The following RGS22 variants were observed in gnomAD, a reference collection of about 807,000 sequenced individuals.
RGS22 encodes regulator of G-protein signaling 22.
RGS22 carries 148 observed loss-of-function variants against 172.9 expected under a neutral mutation model. That is an observed-to-expected ratio of 0.86 (90% confidence interval 0.75 to 0.98). The LOEUF (loss-of-function observed/expected upper bound fraction) is 0.98, where lower values mean the gene tolerates loss of function less well. Ranked by LOEUF, RGS22 falls within the 50% of genes least tolerant of loss-of-function variation. The probability of loss-of-function intolerance (pLI) is 0.00; values close to 1 mark genes in which losing one functional copy is unlikely to be tolerated. For missense variants in RGS22, 1,347 were observed against 1,440.8 expected (o/e 0.93, Z 1.05); for synonymous variants, 458 against 480.2 (o/e 0.95, Z 0.60).
At chr8:100,092,269 C>A (rs1195179856) in intron 3 of RGS22, among the ~76,000 whole-genome samples, 1 of 152,092 alleles carries the variant, frequency 6.6e-6, no homozygotes, top group Non-Finnish European at 1.5e-5. Context: ...TCTTATACAT[C>A]TTTTAACCAG....
At chr8:100,076,545 T>G (rs1437611826) in intron 4 of RGS22, among the ~76,000 whole-genome samples, 2 of 152,218 alleles carry the variant, frequency 1.3e-5, no homozygotes, top group African/African-American at 4.8e-5. Context: ...ACTTCACTTT[T>G]AAGTGTTTGA....
At chr8:99,980,435 T>C (rs1317064547) in intron 22 of RGS22, among the ~76,000 whole-genome samples, 1 of 152,092 alleles carries the variant, frequency 6.6e-6, no homozygotes, top group Admixed American at 6.6e-5. Context: ...AGGAGACAAC[T>C]AGGTAAGTTT....
intron 2 of RGS22, among the ~76,000 whole-genome samples, chr8:100,095,409 C>T (rs913409149): frequency 3.9e-5 from 6 of 152,122 alleles, no homozygotes; most frequent in Non-Finnish European, 8.8e-5. Flanking sequence ...GTCTCGAACT[C>T]CTAGCCTCAA....
Position 100,105,390 on chromosome 8 carries a change from A to G in RGS22, c.38T>C (p.Ile13Thr), listed in dbSNP as rs376672627. 1 of 1,610,010 alleles carries G rather than the reference A, an allele frequency of 6.2e-7. No homozygotes were observed. The highest frequency in any genetic ancestry group is 8.5e-7 in the Non-Finnish European group (1 of 1,176,666). The change falls in exon 2 of 28, where the codon ATT becomes ACT. Residue 13 changes from isoleucine (I) to threonine (T), a missense_variant. Ile to Thr is a moderately conservative substitution (Grantham distance 89). Transcript: ENST00000360863. ...EKRLTAEPPT[I>T]TEEEFEDSLA... ...GATACTTACAAATTCTTCTTCTGTA[A>G]TAGTTGGTGGCTCTGAAACAAGACA...
At chr8:100,095,366 TAG>T (rs1333253123) in intron 2 of RGS22, among the ~76,000 whole-genome samples, 1 of 152,112 alleles carries the variant, frequency 6.6e-6, no homozygotes, top group African/African-American at 2.4e-5. Flanking sequence ...GTATTTTTTG[TAG>T]AGACAATGTT....
chr8:100,105,475 C>G, intron 1 of RGS22, 73 bp from the exon 2 acceptor site: 1 of 1,250,794 alleles, frequency 8.0e-7, no homozygotes, highest in Non-Finnish European at 1.2e-6. Flanking sequence ...TCATGGGAGA[C>G]AGCACCTAGC....
At chr8:99,984,520 A>G (rs1157553934) in intron 21 of RGS22, among the ~76,000 whole-genome samples, 1 of 151,978 alleles carries the variant, frequency 6.6e-6, no homozygotes, top group African/African-American at 2.4e-5. Flanking sequence ...GTTTAAGCAT[A>G]CTTTCCTCTA....
intron 10 of RGS22, among the ~76,000 whole-genome samples, chr8:100,052,355 G>A (rs1210973566): frequency 2.0e-5 from 3 of 147,952 alleles, no homozygotes; most frequent in Non-Finnish European, 4.5e-5. Flanking sequence ...AGGCTGGAGT[G>A]CAGTGGCGCT....
At position 99,981,960 on chromosome 8, in the gene RGS22, G is replaced by A. The variant is rs201002796; in HGVS notation, c.3337C>T (p.Pro1113Ser). ...KIIEHRKELG[P>S]YVFREAQMTI... ...ACCTGTGCCTCTCTAAATACATATGGTCCTAACTCCTTCCGGTGTTCAATA... is the reference window on the plus strand; with the variant it reads ...ACCTGTGCCTCTCTAAATACATATGATCCTAACTCCTTCCGGTGTTCAATA... The change falls in exon 22 of 28, where the codon CCA becomes TCA. Residue 1113 changes from proline to serine, a missense_variant. Physicochemically the swap from Pro to Ser is moderately conservative, Grantham distance 74. Transcript: ENST00000360863. The A allele has an allele frequency of 1.5e-5, 24 of 1,613,394 alleles. No homozygotes were observed. The highest frequency in any genetic ancestry group is 1.7e-5 in the Admixed American group (1 of 59,948).
intron 9 of RGS22, among the ~76,000 whole-genome samples, chr8:100,058,090 CAG>C (rs1809790970): frequency 6.6e-6 from 1 of 150,642 alleles, no homozygotes; most frequent in African/African-American, 2.5e-5. Flanking sequence ...AAGAATGTAT[CAG>C]AGTCTTAACA....
At chr8:100,060,857 C>T (rs912190693) in intron 9 of RGS22, among the ~76,000 whole-genome samples, 1 of 152,212 alleles carries the variant, frequency 6.6e-6, no homozygotes, top group Non-Finnish European at 1.5e-5. Context: ...CCTAAACAGC[C>T]AAGGCAATCC....
At chr8:100,064,392 G>C (rs1037023929) in intron 7 of RGS22, among the ~76,000 whole-genome samples, 1 of 152,096 alleles carries the variant, frequency 6.6e-6, no homozygotes, top group Admixed American at 6.6e-5. Flanking sequence ...GAACCCAGGA[G>C]ATAGAGGTTG....
intron 4 of RGS22, among the ~76,000 whole-genome samples, chr8:100,076,708 G>C (rs1464157103): frequency 6.6e-6 from 1 of 152,048 alleles, no homozygotes; most frequent in Non-Finnish European, 1.5e-5. Flanking sequence ...TAAGAAATAT[G>C]TGGGCCGGGC....
intron 1 of RGS22, 98 bp from the exon 2 acceptor site, chr8:100,105,500 A>C: frequency 1.0e-6 from 1 of 969,380 alleles, no homozygotes; most frequent in Non-Finnish European, 1.6e-6. Context: ...CGTTATACAC[A>C]GGCAAACGTA....
chr8:100,103,465 A>G (rs1813663474), intron 2 of RGS22, among the ~76,000 whole-genome samples: 1 of 152,218 alleles, frequency 6.6e-6, no homozygotes, highest in African/African-American at 2.4e-5. Context: ...ACCACAAACC[A>G]AAATAAGAAG....
intron 21 of RGS22, 84 bp from the exon 22 acceptor site, chr8:99,982,200 T>A: frequency 9.5e-7 from 1 of 1,053,690 alleles, no homozygotes; most frequent in Non-Finnish European, 1.3e-6. Context: ...GTGTTTCAAT[T>A]AATATATGCA....
chr8:99,976,817 A>G (rs940115714), intron 23 of RGS22, among the ~76,000 whole-genome samples: 1 of 152,212 alleles, frequency 6.6e-6, no homozygotes. Context: ...ATAAGGCAAA[A>G]TGTTAAAAGT....
rs555295199 is a variant in RGS22 at position 100,059,846 on chromosome 8, T to C, written c.1514+2745A>G. Among the ~76,000 whole-genome samples, 13 of 152,292 alleles carry C rather than the reference T, an allele frequency of 8.5e-5. No homozygotes were observed. In the South Asian group the frequency reaches 2.7e-3, roughly 32 times the overall value. ...GGAAAAATATATGAAAGATACACAGTATATCTTTGTATTATTTCTTTTTTA... is the reference window on the plus strand; with the variant it reads ...GGAAAAATATATGAAAGATACACAGCATATCTTTGTATTATTTCTTTTTTA... On this transcript the variant is annotated intron_variant, in intron 9 of 27. Transcript: ENST00000360863.
chr8:100,104,329 C>CGTGTGTGTGTGT (rs34385626), intron 2 of RGS22, among the ~76,000 whole-genome samples: 107 of 140,402 alleles, frequency 7.6e-4, no homozygotes, highest in East Asian at 6.0e-3. Context: ...AAAATATGTG[C>CGTGTGTGTGTGT]GTGTGTGTGT....
Sources: gnomAD v4.1 joint callset for allele counts (sites outside exome capture counted in the v4.1 genomes callset) on GRCh38, gnomAD v4.1.1 for gene constraint, MANE v1.5 for transcripts, NCBI Gene and HGNC (gene_info 2026-07-23, HGNC 2026-07-21) for gene names.